The following PLCB1 variants were observed in gnomAD, a reference collection of about 807,000 sequenced individuals.
PLCB1 encodes phospholipase C beta 1, also known as 1-phosphatidylinositol 4,5-bisphosphate phosphodiesterase beta-1.
PLCB1 carries 46 observed loss-of-function variants against 161.8 expected under a neutral mutation model. That is an observed-to-expected ratio of 0.28 (90% CI 0.22 to 0.36). PLCB1 has a LOEUF of 0.36. Ranked by LOEUF, PLCB1 falls within the 10% of genes least tolerant of loss-of-function variation. The pLI is 1.00. For missense variants in PLCB1, 1,016 were observed against 1,472.5 expected (o/e 0.69, Z 5.07); for synonymous variants, 517 against 503.7 (o/e 1.03, Z -0.35).
rs1304807159 is a variant in PLCB1, at chr20:8,717,864, G to A, written c.1513+16G>A. The A allele has an allele frequency of 3.1e-6, 5 of 1,597,034 alleles. No homozygotes were observed. The highest frequency in any genetic ancestry group is 4.5e-5 in the East Asian group (2 of 44,692). ...CCAGGAGCCGGTGAGGGGCTGGTGG[G>A]CTCTCCCCGTCATGTTTTGTGTTGG... On this transcript the variant is annotated intron_variant, in intron 14 of 31. Coordinates refer to ENST00000338037, the MANE Select transcript of PLCB1 (RefSeq NM_015192.4).
chr20:8,758,097 T>A (rs1020776471), intron 24 of PLCB1, among the ~76,000 whole-genome samples: 1 of 150,916 alleles, frequency 6.6e-6, no homozygotes, highest in Non-Finnish European at 1.5e-5. Context: ...AATTGGTTAA[T>A]AAAGTAAACA....
intron 4 of PLCB1, among the ~76,000 whole-genome samples, chr20:8,641,983 G>T (rs537693407): frequency 5.3e-5 from 8 of 152,132 alleles, no homozygotes; most frequent in Admixed American, 1.3e-4. Context: ...TCTTAAGTTA[G>T]TTTGAGTTGT....
chr20:8,355,498 C>A (rs1437585194), intron 2 of PLCB1, among the ~76,000 whole-genome samples: 1 of 152,142 alleles, frequency 6.6e-6, no homozygotes, highest in Non-Finnish European at 1.5e-5. Flanking sequence ...AAGAAAAAGA[C>A]CTGAAATGAC....
At chr20:8,285,997 A>G (rs1410788245) in intron 2 of PLCB1, among the ~76,000 whole-genome samples, 7 of 152,208 alleles carry the variant, frequency 4.6e-5, no homozygotes, top group African/African-American at 1.7e-4. Context: ...TGGTCATTTT[A>G]TAAGGAATCC....
chr20:8,330,937 C>T (rs1985343381), intron 2 of PLCB1, among the ~76,000 whole-genome samples: 1 of 152,164 alleles, frequency 6.6e-6, no homozygotes, highest in Admixed American at 6.5e-5. Flanking sequence ...GTGTACATTG[C>T]ACATTTAATA....
chr20:8,746,584 A>G (rs543330250), intron 23 of PLCB1, among the ~76,000 whole-genome samples: 17 of 152,178 alleles, frequency 1.1e-4, no homozygotes, highest in African/African-American at 4.1e-4. Flanking sequence ...AGCTCAAGCA[A>G]TCCTCCCACT....
intron 15 of PLCB1, among the ~76,000 whole-genome samples, chr20:8,723,259 A>G (rs1979747390): frequency 6.6e-6 from 1 of 152,158 alleles, no homozygotes; most frequent in South Asian, 2.1e-4. Context: ...CATGTCTGGC[A>G]AAGTATATGT....
chr20:8,719,116 G>A (rs1424140281), intron 14 of PLCB1, among the ~76,000 whole-genome samples: 1 of 152,246 alleles, frequency 6.6e-6, no homozygotes, highest in East Asian at 1.9e-4. Context: ...TCAGAAGCTT[G>A]GCAATCTGAA....
rs1353033673 is a variant in PLCB1 at position 8,855,319 on chromosome 20, G to C, written c.3424-26303G>C. Among the ~76,000 whole-genome samples the C allele has an allele frequency of 2.6e-5, 4 of 152,216 alleles. No individual in the cohort carries two copies. The East Asian group carries it at 7.7e-4, about 29-fold the overall frequency. ...CTGTTAGGTCAGAAATAAGAAATGG[G>C]AGAAGAATGCCATTATTTCCATTCT... On this transcript the variant is annotated intron_variant, in intron 31 of 31. Transcript: ENST00000338037.
intron 2 of PLCB1, among the ~76,000 whole-genome samples, chr20:8,186,543 G>A (rs945650139): frequency 6.6e-6 from 1 of 152,136 alleles, no homozygotes; most frequent in Non-Finnish European, 1.5e-5. Context: ...TGTACAAAAT[G>A]TCTTGCAAAT....
At chr20:8,862,666 A>G (rs1987296629) in intron 31 of PLCB1, among the ~76,000 whole-genome samples, 1 of 152,204 alleles carries the variant, frequency 6.6e-6, no homozygotes, top group South Asian at 2.1e-4. Context: ...CTCCAGCCCA[A>G]ACATTTCATA....
At chr20:8,724,121 T>C (rs978785466) in intron 15 of PLCB1, among the ~76,000 whole-genome samples, 6 of 150,650 alleles carry the variant, frequency 4.0e-5, no homozygotes, top group Non-Finnish European at 5.9e-5. Flanking sequence ...CCAGGCTTAA[T>C]ACCCGGGTGA....
At chr20:8,301,223 A>G (rs184204652) in intron 2 of PLCB1, among the ~76,000 whole-genome samples, 2 of 152,218 alleles carry the variant, frequency 1.3e-5, no homozygotes, top group Admixed American at 6.5e-5. Flanking sequence ...GTTCTGCAAT[A>G]TCTTCCATGC....
chr20:8,654,562 A>C (rs984018238), intron 7 of PLCB1, among the ~76,000 whole-genome samples: 5 of 152,070 alleles, frequency 3.3e-5, no homozygotes, highest in African/African-American at 4.8e-5. Context: ...AAATATAAAA[A>C]ATAAAGGAAA....
intron 9 of PLCB1, among the ~76,000 whole-genome samples, chr20:8,665,151 T>A (rs1989779220): frequency 1.3e-5 from 2 of 152,208 alleles, no homozygotes. Flanking sequence ...TAGATCACAC[T>A]AAAACTAGTT....
At chr20:8,291,754 A>G (rs1983392336) in intron 2 of PLCB1, among the ~76,000 whole-genome samples, 1 of 152,214 alleles carries the variant, frequency 6.6e-6, no homozygotes, top group Non-Finnish European at 1.5e-5. Context: ...ACCATGGTGT[A>G]GGTACTGTCT....
rs569793205 is a variant in PLCB1 at position 8,299,373 on chromosome 20, T to G, written c.178-72009T>G. Among the ~76,000 whole-genome samples the G allele has an allele frequency of 2.6e-5, 4 of 152,226 alleles. No homozygotes were observed. In the East Asian group the frequency reaches 7.7e-4, roughly 29 times the overall value. ...AATCTACATTTTTGTCATTTTGCCT[T>G]GGAATACAAGTAACCATCTCACACA... is the stretch of plus-strand genomic sequence containing the variant. On this transcript the variant is annotated intron_variant, in intron 2 of 31. Coordinates refer to ENST00000338037, the MANE Select transcript of PLCB1 (RefSeq NM_015192.4).
intron 31 of PLCB1, among the ~76,000 whole-genome samples, chr20:8,804,343 A>G (rs901772496): frequency 6.6e-6 from 1 of 152,176 alleles, no homozygotes; most frequent in African/African-American, 2.4e-5. Context: ...CTGGGGAAAA[A>G]TATTTATTTT....
intron 3 of PLCB1, among the ~76,000 whole-genome samples, chr20:8,575,423 C>G (rs1432427182): frequency 6.6e-6 from 1 of 152,230 alleles, no homozygotes; most frequent in African/African-American, 2.4e-5. Flanking sequence ...TGTGCATAGA[C>G]AGAGCCCATA....
Sources: allele counts gnomAD v4.1 joint callset (sites outside exome capture counted in the v4.1 genomes callset), GRCh38; gene constraint gnomAD v4.1.1; transcripts MANE v1.5; gene names NCBI Gene and HGNC (gene_info 2026-07-23, HGNC 2026-07-21).